CNOT10: variants seen among roughly 807,000 people sequenced by gnomAD.
CNOT10 encodes CCR4-NOT transcription complex, subunit 10.
CNOT10 carries 30 observed loss-of-function variants against 94.6 expected under a neutral mutation model. The ratio of observed to expected loss-of-function variants is 0.32; its 90% CI spans 0.24 to 0.43. CNOT10 has a LOEUF of 0.43. CNOT10 is among the 20% of genes least tolerant of loss of function. The probability of loss-of-function intolerance (pLI) is 1.00; values close to 1 mark genes in which losing one functional copy is unlikely to be tolerated. For synonymous variants in CNOT10, 289 were observed against 301.6 expected (o/e 0.96, Z 0.43); for missense variants, 759 against 877.2 (o/e 0.87, Z 1.70).
rs760760517 is a variant in CNOT10, at chr3:32,716,317, A to G, written c.660+6A>G. The stretch of plus-strand genomic sequence containing the variant: ...CAAAATCAAAGATACATCAGGTAGT[A>G]TAAATTTTAAAGGGGGGCAATACAT... On this transcript the variant is annotated splice_donor_region_variant and intron_variant, in intron 6 of 18. Coordinates refer to ENST00000328834, the MANE Select transcript of CNOT10 (RefSeq NM_015442.3). 4.0e-6 allele frequency: 6 copies of G among 1,491,692 alleles called. No individual in the cohort carries two copies. The Admixed American group carries it at 7.3e-5, about 18-fold the overall frequency. The allele number at this position is 1,491,692 out of a possible 1,614,324, so 92.4% of individuals were successfully genotyped here.
At chr3:32,735,898 CA>C (rs756044666) in intron 12 of CNOT10, among the ~76,000 whole-genome samples, 5 of 151,962 alleles carry the variant, frequency 3.3e-5, no homozygotes, top group Non-Finnish European at 7.4e-5. Context: ...GCCAAGAGTT[CA>C]AGTCTAGTCT....
intron 14 of CNOT10, among the ~76,000 whole-genome samples, chr3:32,762,239 G>A (rs6550158): frequency 0.79 from 116,865 of 148,790 alleles, 46,092 homozygotes; most frequent in Admixed American, 0.83. Flanking sequence ...CAAGACGGGC[G>A]GATCACGAGA....
chr3:32,757,420 C>G, intron 13 of CNOT10, among the ~76,000 whole-genome samples: 1 of 151,962 alleles, frequency 6.6e-6, no homozygotes, highest in Non-Finnish European at 1.5e-5. Context: ...CTCAGGTGAT[C>G]AGCCTGTCTC....
intron 13 of CNOT10, chr3:32,753,476 A>G (rs1395614698): frequency 6.4e-7 from 1 of 1,559,750 alleles, no homozygotes; most frequent in African/African-American, 1.4e-5. Context: ...TTGAAACTGG[A>G]ACTTCATCCT....
intron 10 of CNOT10, among the ~76,000 whole-genome samples, chr3:32,732,050 G>A (rs1441276643): frequency 6.6e-6 from 1 of 151,776 alleles, no homozygotes; most frequent in Admixed American, 6.6e-5. Context: ...CTGCACTCCT[G>A]CCTGGGTGAC....
At chr3:32,748,929 C>T (rs1699836033) in intron 13 of CNOT10, among the ~76,000 whole-genome samples, 1 of 152,206 alleles carries the variant, frequency 6.6e-6, no homozygotes, top group East Asian at 1.9e-4. Flanking sequence ...TCAAGCAATT[C>T]TCCTGTCTCA....
At chr3:32,722,729 A>G (rs1349782891) in intron 8 of CNOT10, among the ~76,000 whole-genome samples, 8 of 151,950 alleles carry the variant, frequency 5.3e-5, no homozygotes, top group Admixed American at 6.6e-5. Context: ...CCTATAATCA[A>G]TCCCAGCACA....
At position 32,762,797 on chromosome 3, in the gene CNOT10, A is replaced by G; in HGVS notation, c.1774A>G (p.Thr592Ala). 1 of 1,587,484 alleles carries G rather than the reference A, an allele frequency of 6.3e-7. No homozygotes were observed. The change falls in exon 15 of 19, where the codon ACT (threonine) becomes GCT (alanine). Residue 592 changes from threonine to alanine, a missense_variant. Coordinates refer to ENST00000328834, the MANE Select transcript of CNOT10 (RefSeq NM_015442.3). ...ISLDRISDAITHLNPENVTDV... is the reference protein window; with the variant it reads ...ISLDRISDAIAHLNPENVTDV... ...TCTCGACAGAATATCTGATGCCATT[A>G]CTCACTTGAACCCGGAGAATGTCAC...
intron 3 of CNOT10, among the ~76,000 whole-genome samples, chr3:32,708,183 C>G (rs1186159229): frequency 6.6e-6 from 1 of 152,178 alleles, no homozygotes; most frequent in East Asian, 1.9e-4. Flanking sequence ...CAGGCATGAG[C>G]TGCCACGCCC....
chr3:32,715,102 T>TGTGCTCTGCCCGGTTCTAAG (rs1698060875), intron 5 of CNOT10, among the ~76,000 whole-genome samples: 2 of 152,228 alleles, frequency 1.3e-5, no homozygotes, highest in Non-Finnish European at 2.9e-5. Flanking sequence ...CAGATGCTTA[T>TGTGCTCTGCCCGGTTCTAAG]GTGCTCTGCC....
chr3:32,726,836 ATTTTTTTTT>A (rs56273006), intron 9 of CNOT10, among the ~76,000 whole-genome samples: 19 of 81,250 alleles, frequency 2.3e-4, no homozygotes, highest in South Asian at 1.5e-3. Flanking sequence ...ACCAAGATGA[ATTTTTTTTT>A]TTTTTTTTTT....
chr3:32,724,664 G>A (rs1422230232), intron 8 of CNOT10, among the ~76,000 whole-genome samples: 1 of 151,824 alleles, frequency 6.6e-6, no homozygotes, highest in Non-Finnish European at 1.5e-5. Flanking sequence ...CGCCCACCTC[G>A]GCCTCCCAAA....
At chr3:32,716,496 ATAATT>A (rs1393631740) in intron 6 of CNOT10, among the ~76,000 whole-genome samples, 185 bp downstream of exon 6, 1 of 152,228 alleles carries the variant, frequency 6.6e-6, no homozygotes, top group East Asian at 1.9e-4. Context: ...AGAGGATAAT[ATAATT>A]TATTTAAATT....
At chr3:32,751,476 T>C (rs973288562) in intron 13 of CNOT10, among the ~76,000 whole-genome samples, 1 of 152,166 alleles carries the variant, frequency 6.6e-6, no homozygotes, top group Non-Finnish European at 1.5e-5. Context: ...AAGGAAATGT[T>C]TGGAGCAAAT....
At chr3:32,726,569 G>T (rs1232364804) in intron 9 of CNOT10, among the ~76,000 whole-genome samples, 2 of 151,480 alleles carry the variant, frequency 1.3e-5, no homozygotes, top group Non-Finnish European at 2.9e-5. Flanking sequence ...GGTGGCAGGC[G>T]CCTGTAGCCC....
chr3:32,724,175 GTATT>G (rs1014685749), intron 8 of CNOT10, among the ~76,000 whole-genome samples: 2 of 151,552 alleles, frequency 1.3e-5, no homozygotes, highest in African/African-American at 2.4e-5. Context: ...AGCTGCAGTG[GTATT>G]TAAAGAAGTG....
chr3:32,715,059 T>G (rs147849339), intron 5 of CNOT10, among the ~76,000 whole-genome samples: 47 of 152,338 alleles, frequency 3.1e-4, no homozygotes, highest in African/African-American at 1.1e-3. Context: ...TATTCAGTAC[T>G]TGTAAAATTT....
At chr3:32,694,545 C>G (rs979376442) in intron 1 of CNOT10, among the ~76,000 whole-genome samples, 6 of 152,102 alleles carry the variant, frequency 3.9e-5, no homozygotes, top group Non-Finnish European at 7.4e-5. Flanking sequence ...CTTTGCCTAG[C>G]TTCCTTAAAG....
chr3:32,731,721 C>T (rs1490325965), intron 10 of CNOT10, among the ~76,000 whole-genome samples: 2 of 152,168 alleles, frequency 1.3e-5, no homozygotes, highest in African/African-American at 2.4e-5. Context: ...TAGCGATCCA[C>T]CCGCCTCAGC....
Sources: gnomAD v4.1 joint callset for allele counts (sites outside exome capture counted in the v4.1 genomes callset) on GRCh38, gnomAD v4.1.1 for gene constraint, MANE v1.5 for transcripts, NCBI Gene and HGNC (gene_info 2026-07-23, HGNC 2026-07-21) for gene names.